Variants in CFLAR observed in about 807,000 individuals in gnomAD.
CFLAR encodes CASP8 and FADD-like apoptosis regulator.
A neutral mutation model predicts 51.1 loss-of-function variants in CFLAR; 14 were observed. The observed-to-expected ratio is 0.27, with a 90% confidence interval of 0.18 to 0.43. The LOEUF is 0.43. Ranked by LOEUF, CFLAR falls within the 20% of genes least tolerant of loss-of-function variation. CFLAR has a pLI of 1.00. For missense variants in CFLAR, 390 were observed against 566.5 expected (o/e 0.69, Z 3.16); for synonymous variants, 210 against 211.6 (o/e 0.99, Z 0.06).
chr2:201,161,944 C>T (rs896081467), intron 9 of CFLAR, among the ~76,000 whole-genome samples: 16 of 151,638 alleles, frequency 1.1e-4, no homozygotes, highest in Non-Finnish European at 2.1e-4. Flanking sequence ...ACAGGGTTTC[C>T]ACCATGTTGG....
chr2:201,140,405 A>C lies in CFLAR; in HGVS notation c.572A>C (p.Gln191Pro). Residue 191 changes from glutamine (Q) to proline (P), a missense_variant, in exon 5 of 10, where the codon CAA becomes CCA. Gln to Pro is a moderately conservative substitution (Grantham distance 76, BLOSUM62 -1). Transcript: ENST00000309955. Reference protein sequence around the residue: ...SYRNVLQAAIQKSLKDPSNNF... With the variant: ...SYRNVLQAAIPKSLKDPSNNF... ...AGGAATGTTCTCCAAGCAGCAATCCAAAAGAGTCTCAAGGATCCTTCAAAT... is the reference window on the plus strand; with the variant it reads ...AGGAATGTTCTCCAAGCAGCAATCCCAAAGAGTCTCAAGGATCCTTCAAAT... 2 of 1,610,636 alleles carry C rather than the reference A, an allele frequency of 1.2e-6. No homozygotes were observed. The highest frequency in any genetic ancestry group is 1.7e-6 in the Non-Finnish European group (2 of 1,179,196).
chr2:201,126,555 G>C (rs898551381), intron 1 of CFLAR, among the ~76,000 whole-genome samples: 2 of 152,170 alleles, frequency 1.3e-5, no homozygotes, highest in Non-Finnish European at 2.9e-5. Flanking sequence ...GAAAGGGAGA[G>C]TCTAAAAACA....
chr2:201,150,387 A>G (rs1368738016), intron 8 of CFLAR: 1 of 151,758 alleles, frequency 6.6e-6, no homozygotes, highest in Admixed American at 6.6e-5. Context: ...TCCCAGCTAC[A>G]TGGTAGGCTG....
At chr2:201,140,242 G>T in intron 4 of CFLAR, 115 bp from the exon 5 acceptor site, 1 of 1,336,480 alleles carries the variant, frequency 7.5e-7, no homozygotes, top group Non-Finnish European at 1.0e-6. Context: ...AAGGTGGCTA[G>T]AAAGTTTAGG....
rs1553571666 is a variant in CFLAR, at chr2:201,176,282, G to GGT, written c.*12310_*12311insTG. Reference sequence around the variant, plus strand: ...AGTCTCAGGTGTTTTCTATTGCGGGGGGGGGGGGCGGGCGGGGGAGCTGCC... The same window carrying GGT: ...AGTCTCAGGTGTTTTCTATTGCGGGGGTGGGGGGGGCGGGCGGGGGAGCTGCC... On this transcript the variant is annotated 3_prime_UTR_variant, in exon 10 of 10. Coordinates refer to ENST00000309955, the MANE Select transcript of CFLAR (RefSeq NM_003879.7). The GGT allele has an allele frequency of 7.9e-6, 1 of 127,040 alleles. No homozygotes were observed. The allele number at this position is 127,040 out of a possible 1,614,324, so 7.9% of individuals were successfully genotyped here.
intron 2 of CFLAR, among the ~76,000 whole-genome samples, chr2:201,132,404 C>T (rs969918841): frequency 1.4e-5 from 2 of 145,576 alleles, no homozygotes; most frequent in East Asian, 1.9e-4. Flanking sequence ...TGTTGGTTCT[C>T]AAAGTCTATT....
At chr2:201,144,518 C>G (rs2125812810) in intron 5 of CFLAR, among the ~76,000 whole-genome samples, 1 of 152,338 alleles carries the variant, frequency 6.6e-6, no homozygotes, top group South Asian at 2.1e-4. Context: ...ATTTAATCTT[C>G]ATACAAAATC....
Position 201,138,348 on chromosome 2 carries a change from C to A in CFLAR, c.524-2009C>A, listed in dbSNP as rs1466431787. On this transcript the variant is annotated intron_variant, in intron 4 of 9. Coordinates refer to ENST00000309955, the MANE Select transcript of CFLAR (RefSeq NM_003879.7). This position sits in a 1 kb window ranked among gnomAD's most constrained non-coding sequence, Gnocchi z 4.0. ...CCGCCCAGCAGCTGCTCATGGGAAT[C>A]CTTGGAGGCCACAGGGTAGTCTCGG... The A allele has an allele frequency of 6.5e-6, 5 of 768,786 alleles. No homozygotes were observed. The highest frequency in any genetic ancestry group is 1.7e-5 in the Admixed American group (1 of 58,396). The allele number at this position is 768,786 out of a possible 1,614,324, so 47.6% of individuals were successfully genotyped here.
rs753193488 is a variant in CFLAR at position 201,173,018 on chromosome 2, G to T, written c.*9045G>T. On this transcript the variant is annotated 3_prime_UTR_variant, in exon 10 of 10. Coordinates refer to ENST00000309955, the MANE Select transcript of CFLAR (RefSeq NM_003879.7). ...GCATCATTTTATATTCCCACCAGCA[G>T]TGTATGAGGTTTTTTTTATTTTTTT... The T allele has an allele frequency of 1.2e-4, 19 of 152,168 alleles. No homozygotes were observed. Among genetic ancestry groups the T allele is most frequent in the Non-Finnish European group, 2.5e-4 (17 of 68,046 alleles). The allele number at this position is 152,168 out of a possible 1,614,324, so 9.4% of individuals were successfully genotyped here. A position where few individuals can be genotyped will look rare whatever the true frequency, so the allele number is the denominator to read the frequency against.
chr2:201,149,925 T>G, intron 8 of CFLAR, 90 bp downstream of exon 8: 2 of 965,828 alleles, frequency 2.1e-6, no homozygotes, highest in Non-Finnish European at 3.3e-6. Context: ...CAGCACCAAC[T>G]GCCGTGACAA....
At chr2:201,156,172 A>T (rs555402184) in intron 8 of CFLAR, among the ~76,000 whole-genome samples, 5 of 152,336 alleles carry the variant, frequency 3.3e-5, no homozygotes, top group African/African-American at 9.6e-5. Context: ...TGTAGGCAAT[A>T]AGGGGAACTT....
rs2050378776 is a variant in CFLAR at position 201,138,035 on chromosome 2, G to A, written c.523+1928G>A. ...CCACCTTGTACACAGCAGTGCCCTG[G>A]GGCTGACTGCAGGCTATCACTTCCT... is the stretch of plus-strand genomic sequence containing the variant. On this transcript the variant is annotated intron_variant, in intron 4 of 9. Transcript: ENST00000309955. This position sits in a 1 kb window ranked among gnomAD's most constrained non-coding sequence, Gnocchi z 4.0. 3 of 725,460 alleles carry A rather than the reference G, an allele frequency of 4.1e-6. No individual in the cohort carries two copies. Among genetic ancestry groups the A allele is most frequent in the Admixed American group, 1.9e-5 (1 of 52,994 alleles). The allele number at this position is 725,460 out of a possible 1,614,324, so 44.9% of individuals were successfully genotyped here. A position where few individuals can be genotyped will look rare whatever the true frequency, so the allele number is the denominator to read the frequency against.
chr2:201,131,232 G>A (rs1185744678), intron 2 of CFLAR, among the ~76,000 whole-genome samples: 2 of 151,912 alleles, frequency 1.3e-5, no homozygotes, highest in African/African-American at 4.8e-5. Flanking sequence ...GTAACCTTAA[G>A]TTGGTGTTTT....
At chr2:201,149,681 T>C in intron 7 of CFLAR, 73 bp from the exon 8 acceptor site, 1 of 1,115,398 alleles carries the variant, frequency 9.0e-7, no homozygotes, top group East Asian at 2.4e-5. Context: ...AAAGAAGAGA[T>C]GGTATATGGG....
intron 5 of CFLAR, chr2:201,141,266 A>C: frequency 1.4e-5 from 17 of 1,220,498 alleles, no homozygotes; most frequent in Non-Finnish European, 1.9e-5. Flanking sequence ...TATAATACTG[A>C]CCTCCAATTA....
intron 9 of CFLAR, among the ~76,000 whole-genome samples, chr2:201,161,738 CTTTTTT>C (rs3044256): frequency 2.0e-5 from 2 of 101,256 alleles, no homozygotes; most frequent in Non-Finnish European, 3.9e-5. Context: ...TTTAATTTTT[CTTTTTT>C]TTTTTTTTTT....
chr2:201,161,668 G>A (rs1943023193), intron 9 of CFLAR, among the ~76,000 whole-genome samples: 1 of 150,754 alleles, frequency 6.6e-6, no homozygotes, highest in Admixed American at 6.6e-5. Flanking sequence ...GCCTGCCTCA[G>A]CCTCCCAAAG....
At chr2:201,152,332 T>G (rs1285661500) in intron 8 of CFLAR, among the ~76,000 whole-genome samples, 3 of 152,118 alleles carry the variant, frequency 2.0e-5, no homozygotes, top group Non-Finnish European at 4.4e-5. Flanking sequence ...TTTTTATTTT[T>G]CCTGTAGTGC....
At chr2:201,159,344 C>G (rs764560109) in intron 8 of CFLAR, among the ~76,000 whole-genome samples, 7 of 151,826 alleles carry the variant, frequency 4.6e-5, no homozygotes, top group Non-Finnish European at 1.0e-4. Flanking sequence ...GAGTCTCACT[C>G]TGTTGCCCAG....
Sources: allele counts gnomAD v4.1 joint callset (sites outside exome capture counted in the v4.1 genomes callset), GRCh38; gene constraint gnomAD v4.1.1; non-coding constraint Gnocchi (gnomAD v3.1); transcripts MANE v1.5; gene names NCBI Gene and HGNC (gene_info 2026-07-23, HGNC 2026-07-21).